UPF3B: variants seen among roughly 807,000 people sequenced by gnomAD.
UPF3B encodes UPF3B regulator of nonsense mediated mRNA decay.
In UPF3B, 7 loss-of-function variants were observed where a neutral mutation model predicts 40.3. That is an observed-to-expected ratio of 0.17 (90% confidence interval 0.10 to 0.33). The LOEUF (loss-of-function observed/expected upper bound fraction) is 0.33, where lower values mean the gene tolerates loss of function less well. Ranked by LOEUF, UPF3B falls within the 10% of genes least tolerant of loss-of-function variation. The probability of loss-of-function intolerance (pLI) is 1.00; values close to 1 mark genes in which losing one functional copy is unlikely to be tolerated. For missense variants in UPF3B, 229 were observed against 358.9 expected, an observed-to-expected ratio of 0.64 and a Z score of 2.93; for synonymous variants, 117 against 117.3, an observed-to-expected ratio of 1.00 and a Z score of 0.01.
intron 8 of UPF3B, 174 bp downstream of exon 8, chrX:119,840,472 C>T (rs1487801654): frequency 4.8e-6 from 2 of 414,341 alleles, no homozygotes; most frequent in Non-Finnish European, 8.3e-6. Flanking sequence ...CCTGGGCTTC[C>T]TTTTAAAGTA....
chrX:119,819,712 T>C (rs776371037), intron 4 of UPF3B, among the ~76,000 whole-genome samples: 3 of 112,157 alleles, frequency 2.7e-5, no homozygotes, highest in African/African-American at 9.7e-5. Flanking sequence ...GCAAGAGACA[T>C]ACATACATAC....
downstream of UPF3B, among the ~76,000 whole-genome samples, chrX:119,833,596 TC>T (rs2056059187): frequency 8.9e-6 from 1 of 111,997 alleles, no homozygotes; most frequent in Non-Finnish European, 1.9e-5. Flanking sequence ...AATCTCCACC[TC>T]CCAGGCTCAA....
At chrX:119,847,365 T>C (rs1379917075) in intron 3 of UPF3B, among the ~76,000 whole-genome samples, 1 of 110,921 alleles carries the variant, frequency 9.0e-6, no homozygotes, top group Admixed American at 9.7e-5. Flanking sequence ...GAGAATTGCT[T>C]GAACCCAGGA....
At chrX:119,825,379 G>A (rs1330857583) in intron 3 of UPF3B, among the ~76,000 whole-genome samples, 2 of 111,274 alleles carry the variant, frequency 1.8e-5, no homozygotes, top group Non-Finnish European at 3.8e-5. Context: ...CTAGACACAT[G>A]AGGATTACAA....
intron 3 of UPF3B, among the ~76,000 whole-genome samples, chrX:119,848,281 C>CAA (rs144679153): frequency 0.011 from 251 of 22,670 alleles, 8 homozygotes; most frequent in Middle Eastern, 0.023. Flanking sequence ...GACTCCATCT[C>CAA]AAAAAAAAAA....
intron 3 of UPF3B, among the ~76,000 whole-genome samples, chrX:119,850,614 A>T (rs1425129167): frequency 1.8e-5 from 2 of 112,759 alleles, no homozygotes; most frequent in East Asian, 2.8e-4. Flanking sequence ...CAAAAAGAAA[A>T]GTGGCAAATG....
At chrX:119,836,432 C>T (rs191678679) in intron 10 of UPF3B, among the ~76,000 whole-genome samples, 2 of 110,810 alleles carry the variant, frequency 1.8e-5, no homozygotes, top group Admixed American at 1.9e-4. Context: ...ATAGACAGGA[C>T]GTTAAGGAAT....
chrX:119,844,947 C>A (rs2056209950), intron 4 of UPF3B, among the ~76,000 whole-genome samples: 1 of 112,099 alleles, frequency 8.9e-6, no homozygotes, highest in Non-Finnish European at 1.9e-5. Context: ...ATTTGTTACT[C>A]AATAGTCAAC....
At chrX:119,839,352 AT>A (rs1296726468) in intron 8 of UPF3B, among the ~76,000 whole-genome samples, 1 of 112,495 alleles carries the variant, frequency 8.9e-6, no homozygotes, top group Non-Finnish European at 1.9e-5. Flanking sequence ...TTAGAGATTA[AT>A]AACAAGAATT....
chrX:119,825,103 T>G (rs914006221), intron 3 of UPF3B, among the ~76,000 whole-genome samples: 4 of 111,518 alleles, frequency 3.6e-5, no homozygotes, highest in Non-Finnish European at 7.5e-5. Flanking sequence ...TTAGTCCGTT[T>G]TCACACTGGT....
chrX:119,819,806 T>G lies in UPF3B; in HGVS notation c.494+3136A>C, dbSNP rs769408791. Among the ~76,000 whole-genome samples, 146 of 109,901 alleles carry G rather than the reference T, an allele frequency of 1.3e-3. 1 individual carries two copies. Among genetic ancestry groups the G allele is most frequent in the Admixed American group, 2.9e-3 (29 of 10,171 alleles). On this transcript the variant is annotated intron_variant, in intron 4 of 6. Coordinates refer to the UPF3B transcript ENST00000636792. ...GAGAAGTTTATATTTTTTTCTTTTA[T>G]TTCTATTTTCCACAAACTTTTCTTT...
At chrX:119,820,091 C>T (rs1177852657) in intron 4 of UPF3B, among the ~76,000 whole-genome samples, 1 of 111,116 alleles carries the variant, frequency 9.0e-6, no homozygotes, top group African/African-American at 3.3e-5. Context: ...GTGAAGTGCC[C>T]GCCTTGGCCT....
intron 6 of UPF3B, among the ~76,000 whole-genome samples, chrX:119,841,534 C>T (rs1044008854): frequency 8.9e-6 from 1 of 111,932 alleles, no homozygotes; most frequent in African/African-American, 3.2e-5. Context: ...GAACATTCCA[C>T]GTTTGTAGAG....
intron 8 of UPF3B, 21 bp downstream of exon 8, chrX:119,840,625 T>C: frequency 8.3e-7 from 1 of 1,198,264 alleles, no homozygotes. Context: ...AGATGCTCTG[T>C]ATCATGTACT....
At chrX:119,816,679 C>T (rs990513127) in intron 4 of UPF3B, among the ~76,000 whole-genome samples, 5 of 111,803 alleles carry the variant, frequency 4.5e-5, no homozygotes, top group African/African-American at 1.6e-4. Context: ...CTAAGGCCAA[C>T]TCCTCTAACC....
chrX:119,826,029 C>T (rs1046656705), intron 3 of UPF3B, among the ~76,000 whole-genome samples: 7 of 111,349 alleles, frequency 6.3e-5, no homozygotes, highest in African/African-American at 1.6e-4. Flanking sequence ...TTCATGGTGG[C>T]GCACGCCTAT....
At chrX:119,841,343 A>G (rs1342088504) in intron 6 of UPF3B, 85 bp from the exon 7 acceptor site, 9 of 1,177,657 alleles carry the variant, frequency 7.6e-6, no homozygotes, top group South Asian at 1.9e-5. Context: ...GTAGGCCCCA[A>G]CTGAATAATC....
chrX:119,808,356 C>T (rs1645840642), intron 5 of UPF3B, among the ~76,000 whole-genome samples: 1 of 102,780 alleles, frequency 9.7e-6, no homozygotes, highest in Non-Finnish European at 2.0e-5. Context: ...GAGGGCCCTC[C>T]TGTGGTTTCA....
intron 4 of UPF3B, among the ~76,000 whole-genome samples, chrX:119,820,267 C>T (rs2055902704): frequency 8.9e-6 from 1 of 111,737 alleles, no homozygotes; most frequent in South Asian, 3.7e-4. Context: ...TCTGAGCCTC[C>T]TGAGAAGTTT....
Sources: gnomAD v4.1 joint callset for allele counts (sites outside exome capture counted in the v4.1 genomes callset) on GRCh38, gnomAD v4.1.1 for gene constraint, MANE v1.5 for transcripts, NCBI Gene and HGNC (gene_info 2026-07-23, HGNC 2026-07-21) for gene names.